The following PDE6B variants were observed in gnomAD, a reference collection of about 807,000 sequenced individuals.
The protein encoded by PDE6B is phosphodiesterase 6B.
PDE6B carries 106 observed loss-of-function variants against 109.0 expected under a neutral mutation model. That is an observed-to-expected ratio of 0.97 (90% CI 0.83 to 1.14). The LOEUF is 1.14. Among genes scored for constraint, PDE6B ranks in the 50% most tolerant of loss-of-function variants. The pLI, the probability that PDE6B is intolerant of heterozygous loss-of-function variation, is 0.00. For missense variants in PDE6B, 1,193 were observed against 1,155.6 expected, an observed-to-expected ratio of 1.03 and a Z score of -0.47; for synonymous variants, 490 against 471.3, an observed-to-expected ratio of 1.04 and a Z score of -0.51.
chr4:659,556 CAT>C (rs1736784550), intron 11 of PDE6B, among the ~76,000 whole-genome samples: 1 of 150,516 alleles, frequency 6.6e-6, no homozygotes, highest in South Asian at 2.1e-4. Context: ...CAGGTGTGTA[CAT>C]GTGTGCACAT....
chr4:653,240 G>C, intron 3 of PDE6B: 3 of 1,009,828 alleles, frequency 3.0e-6, no homozygotes, highest in Non-Finnish European at 3.6e-6. Context: ...CCGCGAGTGT[G>C]AGGAGGCAGG....
intron 1 of PDE6B, among the ~76,000 whole-genome samples, chr4:629,671 A>G (rs922696411): frequency 9.2e-5 from 14 of 152,196 alleles, no homozygotes; most frequent in African/African-American, 3.1e-4. Flanking sequence ...GGTGGTCTCT[A>G]CAAGGCTGGA....
intron 3 of PDE6B, among the ~76,000 whole-genome samples, chr4:644,454 G>A (rs538443756): frequency 2.2e-4 from 34 of 152,124 alleles, no homozygotes; most frequent in African/African-American, 8.0e-4. Context: ...TGAGAAGAAT[G>A]GGTATTGTGC....
Position 662,626 on chromosome 4 carries a change from C to A in PDE6B, c.1832+8C>A. On this transcript the variant is annotated splice_region_variant and intron_variant, in intron 14 of 21. Transcript: ENST00000496514. The surrounding 1 kb of genome is among the most constrained non-coding windows in gnomAD (Gnocchi z 4.3). ...CAACCTGTACCAGATGAAGTAGGCACCTCAGGGCGGGCATGTGAATTAGCC... is the reference window on the plus strand; with the variant it reads ...CAACCTGTACCAGATGAAGTAGGCAACTCAGGGCGGGCATGTGAATTAGCC... The A allele has an allele frequency of 6.5e-7, 1 of 1,541,672 alleles. No individual in the cohort carries two copies. Among genetic ancestry groups the A allele is most frequent in the Non-Finnish European group, 9.0e-7 (1 of 1,114,756 alleles).
Position 646,396 on chromosome 4 carries a change from T to G in PDE6B, c.712-7456T>G, listed in dbSNP as rs142327412. On this transcript the variant is annotated intron_variant, in intron 3 of 21. Transcript: ENST00000496514. ...CCCCACCCCCAGCTTCCCTCGAGGT[T>G]TTCAGCTTGGTTGTCTGCAGTTTGA... Among the ~76,000 whole-genome samples, 183 of 151,974 alleles carry G rather than the reference T, an allele frequency of 1.2e-3. 3 individuals are homozygous for G. In the East Asian group the frequency reaches 0.031, roughly 26 times the overall value.
At position 666,722 on chromosome 4, in the gene PDE6B, C is replaced by T; in HGVS notation, c.2352+108C>T. Reference sequence around the variant, plus strand: ...ACTCACACGGGCCCGGCGGTGTCCTCACTGGAGTAGGGATGCCAGTGCCAG... The same window carrying T: ...ACTCACACGGGCCCGGCGGTGTCCTTACTGGAGTAGGGATGCCAGTGCCAG... On this transcript the variant is annotated intron_variant, in intron 20 of 21. Transcript: ENST00000496514. The surrounding 1 kb of genome is among the most constrained non-coding windows in gnomAD (Gnocchi z 5.6). The T allele has an allele frequency of 2.6e-6, 2 of 763,632 alleles. No individual in the cohort carries two copies. The highest frequency in any genetic ancestry group is 2.6e-5 in the East Asian group (1 of 38,260). The allele number at this position is 763,632 out of a possible 1,614,324, so 47.3% of individuals were successfully genotyped here. A position where few individuals can be genotyped will look rare whatever the true frequency, so the allele number is the denominator to read the frequency against.
At position 648,624 on chromosome 4, in the gene PDE6B, C is replaced by CTCTCGG. The variant is rs2109167296; in HGVS notation, c.712-5227_712-5222dup. On this transcript the variant is annotated intron_variant, in intron 3 of 21. Coordinates refer to ENST00000496514, the MANE Select transcript of PDE6B (RefSeq NM_000283.4). This position sits in a 1 kb window ranked among gnomAD's most constrained non-coding sequence, Gnocchi z 4.5. ...CCCTGCCATTCCCTTTCTGAAAAGC[C>CTCTCGG]TCTCGGACACTCCCATCAGAGCCAA... Among the ~76,000 whole-genome samples, 1 of 152,338 alleles carries CTCTCGG rather than the reference C, an allele frequency of 6.6e-6. No individual in the cohort carries two copies. The highest frequency in any genetic ancestry group is 2.4e-5 in the African/African-American group (1 of 41,574).
In PDE6B at chr4:662,964, C is replaced by T. The variant is rs1737287981; in HGVS notation, c.1833-136C>T. 1.0e-4 allele frequency: 71 copies of T among 697,884 alleles called. 1 individual carries two copies. The highest frequency in any genetic ancestry group is 7.8e-4 in the South Asian group (52 of 66,978). The allele number at this position is 697,884 out of a possible 1,614,324, so 43.2% of individuals were successfully genotyped here. The stretch of plus-strand genomic sequence containing the variant: ...GCTGTATTGAGCCATGATTGCACCA[C>T]TGCACTCCAGAGTGGGTGACAGAGG... On this transcript the variant is annotated intron_variant, in intron 14 of 21. Coordinates refer to ENST00000496514, the MANE Select transcript of PDE6B (RefSeq NM_000283.4). The surrounding 1 kb of genome is among the most constrained non-coding windows in gnomAD (Gnocchi z 4.3).
In PDE6B at chr4:667,919, G is replaced by C. The variant is rs775452288; in HGVS notation, c.2416G>C (p.Glu806Gln). ...CGACCGACTGCAGAACAATAGGAAA[G>C]AGTGGAAGGCGCTGGCTGATGAGTA... ...MFDRLQNNRK[E>Q]WKALADEYEA... Residue 806 changes from glutamate to glutamine, a missense_variant, in exon 21 of 22, where the codon GAG (glutamate) becomes CAG (glutamine). Coordinates refer to ENST00000496514, the MANE Select transcript of PDE6B (RefSeq NM_000283.4). 6.2e-7 allele frequency: 1 copy of C among 1,613,672 alleles called. No homozygotes were observed. The highest frequency in any genetic ancestry group is 1.1e-5 in the South Asian group (1 of 91,074).
chr4:649,112 C>T (rs917954519), intron 3 of PDE6B, among the ~76,000 whole-genome samples: 6 of 152,208 alleles, frequency 3.9e-5, no homozygotes, highest in African/African-American at 1.2e-4. Flanking sequence ...CACAGCAGTC[C>T]GTCTGCCGTA....
intron 3 of PDE6B, among the ~76,000 whole-genome samples, chr4:639,469 A>G (rs1219230002): frequency 6.6e-6 from 1 of 152,116 alleles, no homozygotes; most frequent in East Asian, 1.9e-4. Context: ...GGGAATAGAG[A>G]GCAGGTCCCT....
Position 667,957 on chromosome 4 carries a change from G to A in PDE6B, c.2454G>A (p.Val818=), listed in dbSNP as rs746531876. ...TGGCTGATGAGTATGAGGCCAAAGT[G>A]AAGGCTCTGGAGGAGAAGGAGGAGG... ...KALADEYEAK[V]KALEEKEEEE... Residue 818 remains valine, a synonymous_variant, in exon 21 of 22, where the codon GTG becomes GTA. Transcript: ENST00000496514. The A allele has an allele frequency of 6.2e-6, 10 of 1,613,254 alleles. No homozygotes were observed. In the Admixed American group the frequency reaches 1.2e-4, roughly 19 times the overall value.
At chr4:667,210 G>T (rs1391890494) in intron 20 of PDE6B, among the ~76,000 whole-genome samples, 1 of 152,090 alleles carries the variant, frequency 6.6e-6, no homozygotes, top group Non-Finnish European at 1.5e-5. Flanking sequence ...GCTGCCTCCG[G>T]CCACACTCCC....
chr4:630,137 G>A (rs754549058), intron 1 of PDE6B, among the ~76,000 whole-genome samples: 10 of 152,216 alleles, frequency 6.6e-5, no homozygotes, highest in Non-Finnish European at 1.3e-4. Flanking sequence ...CAGGGGCCAC[G>A]TGTTAATCTT....
intron 20 of PDE6B, among the ~76,000 whole-genome samples, chr4:667,462 G>A (rs184407586): frequency 6.6e-6 from 1 of 152,318 alleles, no homozygotes; most frequent in Non-Finnish European, 1.5e-5. Flanking sequence ...GAGTGCACGC[G>A]TGTGCTGTGC....
Position 639,529 on chromosome 4 carries a change from G to A in PDE6B, c.711+3560G>A, listed in dbSNP as rs1734849186. Among the ~76,000 whole-genome samples the A allele has an allele frequency of 2.0e-5, 3 of 152,200 alleles. No homozygotes were observed. The South Asian group carries it at 6.2e-4, about 31-fold the overall frequency. Reference sequence around the variant, plus strand: ...CAGCCTTTTCTAAAGGAAAGGGGGAGAAGTGGGGAGCCCAGGCTTCTGGGC... The same window carrying A: ...CAGCCTTTTCTAAAGGAAAGGGGGAAAAGTGGGGAGCCCAGGCTTCTGGGC... On this transcript the variant is annotated intron_variant, in intron 3 of 21. Coordinates refer to ENST00000496514, the MANE Select transcript of PDE6B (RefSeq NM_000283.4).
At position 666,172 on chromosome 4, in the gene PDE6B, G is replaced by C. The variant is rs147080872; in HGVS notation, c.2269-359G>C. 2.1e-3 allele frequency among the ~76,000 whole-genome samples: 324 copies of C among 152,242 alleles called. 1 individual carries two copies. Among genetic ancestry groups the C allele is most frequent in the Non-Finnish European group, 3.5e-3 (239 of 67,998 alleles). The stretch of plus-strand genomic sequence containing the variant: ...GCACAGCGAGGTCCTGGTCAGCCGA[G>C]TGTCTGGGCAGTGCAGCCCAGCCCG... On this transcript the variant is annotated intron_variant, in intron 19 of 21. Coordinates refer to ENST00000496514, the MANE Select transcript of PDE6B (RefSeq NM_000283.4). The surrounding 1 kb of genome is among the most constrained non-coding windows in gnomAD (Gnocchi z 5.6).
At chr4:658,340 G>A (rs1271049774) in intron 10 of PDE6B, among the ~76,000 whole-genome samples, 1 of 145,486 alleles carries the variant, frequency 6.9e-6, no homozygotes, top group African/African-American at 2.6e-5. Flanking sequence ...GGTCATGGCT[G>A]TGTGGTGGGG....
At position 626,031 on chromosome 4, in the gene PDE6B, C is replaced by T. The variant is rs1340650803; in HGVS notation, c.405C>T (p.Asp135=). ...PPDSEIVFPL[D]IGVVGHVAQT... ...ACTCCGAGATCGTCTTCCCACTGGA[C>T]ATCGGGGTCGTGGGCCACGTGGCTC... Residue 135 remains aspartate (D), a synonymous_variant, in exon 1 of 22, where the codon GAC becomes GAT. Coordinates refer to ENST00000496514, the MANE Select transcript of PDE6B (RefSeq NM_000283.4). This position sits in a 1 kb window ranked among gnomAD's most constrained non-coding sequence, Gnocchi z 4.6. 1.3e-6 allele frequency: 2 copies of T among 1,595,784 alleles called. No individual in the cohort carries two copies. The highest frequency in any genetic ancestry group is 1.7e-6 in the Non-Finnish European group (2 of 1,171,894).
Sources: allele counts gnomAD v4.1 joint callset (sites outside exome capture counted in the v4.1 genomes callset), GRCh38; gene constraint gnomAD v4.1.1; non-coding constraint Gnocchi (gnomAD v3.1); transcripts MANE v1.5; gene names NCBI Gene and HGNC (gene_info 2026-07-23, HGNC 2026-07-21).